PCBP3: variants seen among roughly 807,000 people sequenced by gnomAD.
PCBP3 encodes poly(rC)-binding protein 3.
PCBP3 carries 25 observed loss-of-function variants against 52.7 expected under a neutral mutation model. The ratio of observed to expected loss-of-function variants is 0.47; its 90% confidence interval spans 0.35 to 0.66. PCBP3 has a LOEUF of 0.66. PCBP3 is among the 30% of genes least tolerant of loss of function. The pLI, the probability that PCBP3 is intolerant of heterozygous loss-of-function variation, is 0.01. For missense variants in PCBP3, 391 were observed against 490.3 expected (o/e 0.80, Z 1.91); for synonymous variants, 162 against 183.0 (o/e 0.89, Z 0.93).
intron 2 of PCBP3, among the ~76,000 whole-genome samples, chr21:45,676,592 A>G (rs1385009807): frequency 6.6e-6 from 1 of 152,074 alleles, no homozygotes; most frequent in Non-Finnish European, 1.5e-5. Flanking sequence ...AACTTTGCCC[A>G]TATAAGATGT....
At chr21:45,898,027 G>C (rs1364920231) in intron 6 of PCBP3, among the ~76,000 whole-genome samples, 2 of 152,200 alleles carry the variant, frequency 1.3e-5, no homozygotes, top group African/African-American at 4.8e-5. Context: ...TTTCCGGGAA[G>C]ACACGGCCTC....
intron 5 of PCBP3, among the ~76,000 whole-genome samples, chr21:45,892,476 G>C (rs572223854): frequency 1.2e-3 from 102 of 86,500 alleles, no homozygotes; most frequent in Admixed American, 2.2e-3. Flanking sequence ...GGCGTGGGGG[G>C]GGGGGCGGTC....
chr21:45,920,748 T>C (rs1026029852), intron 13 of PCBP3, among the ~76,000 whole-genome samples: 7 of 152,198 alleles, frequency 4.6e-5, no homozygotes, highest in Non-Finnish European at 1.0e-4. Flanking sequence ...CCTCCTGTCA[T>C]GTGAGGACAA....
chr21:45,843,354 T>A (rs1328580512), intron 4 of PCBP3, among the ~76,000 whole-genome samples: 2 of 152,256 alleles, frequency 1.3e-5, no homozygotes, highest in Non-Finnish European at 2.9e-5. Flanking sequence ...ATTTAGACTT[T>A]AAGAACCAAA....
chr21:45,833,084 A>C (rs554905939), intron 4 of PCBP3, among the ~76,000 whole-genome samples: 14 of 152,286 alleles, frequency 9.2e-5, no homozygotes, highest in African/African-American at 3.4e-4. Flanking sequence ...ATCAGCAGCC[A>C]GCGAGGCTCT....
chr21:45,735,987 TTGTA>T lies in PCBP3; in HGVS notation c.-162+559_-162+562del, dbSNP rs1041920971. Reference sequence around the variant, plus strand: ...ATGCACTGTGGTCCCAATTCTAGTTTTGTAAAACTACCTTGAGATGACTCCTTTT... The same window carrying T: ...ATGCACTGTGGTCCCAATTCTAGTTTAAACTACCTTGAGATGACTCCTTTT... On this transcript the variant is annotated intron_variant, in intron 3 of 17. Coordinates refer to ENST00000681687, the MANE Select transcript of PCBP3 (RefSeq NM_001384156.1). This position sits in a 1 kb window ranked among gnomAD's most constrained non-coding sequence, Gnocchi z 4.0. 2.0e-5 allele frequency among the ~76,000 whole-genome samples: 3 copies of T among 152,244 alleles called. No individual in the cohort carries two copies. The highest frequency in any genetic ancestry group is 7.2e-5 in the African/African-American group (3 of 41,470).
At chr21:45,747,229 AT>A (rs2086976785) in intron 3 of PCBP3, among the ~76,000 whole-genome samples, 1 of 152,188 alleles carries the variant, frequency 6.6e-6, no homozygotes, top group South Asian at 2.1e-4. Context: ...GTCTGGTGAG[AT>A]TTATTCACTA....
chr21:45,895,418 C>T (rs1391693475), intron 5 of PCBP3, among the ~76,000 whole-genome samples: 1 of 152,142 alleles, frequency 6.6e-6, no homozygotes, highest in African/African-American at 2.4e-5. Context: ...GGGAAGGACT[C>T]GGGATGAGGC....
chr21:45,824,998 C>T (rs939468015), intron 4 of PCBP3, among the ~76,000 whole-genome samples: 1 of 152,236 alleles, frequency 6.6e-6, no homozygotes, highest in Non-Finnish European at 1.5e-5. Flanking sequence ...AAAACATTGA[C>T]AAGCCTGCAA....
intron 1 of PCBP3, among the ~76,000 whole-genome samples, chr21:45,648,286 A>T (rs1201558275): frequency 6.6e-6 from 1 of 152,112 alleles, no homozygotes; most frequent in Non-Finnish European, 1.5e-5. Flanking sequence ...AGCTGACAAA[A>T]TTAAGGAGGG....
intron 4 of PCBP3, among the ~76,000 whole-genome samples, chr21:45,755,680 C>T (rs552526271): frequency 3.3e-5 from 5 of 152,268 alleles, no homozygotes; most frequent in South Asian, 2.1e-4. Flanking sequence ...ACATGTGATA[C>T]GGAACCTTCC....
Position 45,886,205 on chromosome 21 carries a change from T to TGGA in PCBP3, c.11-10000_11-9998dup, listed in dbSNP as rs764106207. ...CAAGGGCAGAGGACGTGGTGAGGTG[T>TGGA]GGAGGCCTCATTGCTGCGGGTGCCA... On this transcript the variant is annotated intron_variant, in intron 5 of 17. Coordinates refer to ENST00000681687, the MANE Select transcript of PCBP3 (RefSeq NM_001384156.1). 5.0e-4 allele frequency among the ~76,000 whole-genome samples: 59 copies of TGGA among 117,700 alleles called. 2 individuals carry two copies. The highest frequency in any genetic ancestry group is 1.7e-3 in the African/African-American group (52 of 30,238). The allele number at this position is 117,700 out of a possible 152,430, so 77.2% of individuals were successfully genotyped here.
chr21:45,706,060 C>T (rs547895095), intron 2 of PCBP3, among the ~76,000 whole-genome samples: 1 of 152,354 alleles, frequency 6.6e-6, no homozygotes, highest in African/African-American at 2.4e-5. Flanking sequence ...GTCTTTTCCA[C>T]CTTTACATTA....
chr21:45,749,877 G>C (rs1226893482), intron 3 of PCBP3: 1 of 152,238 alleles, frequency 6.6e-6, no homozygotes, highest in Non-Finnish European at 1.5e-5. Flanking sequence ...CTCCAGCACA[G>C]GATGTGGTCT....
chr21:45,672,661 A>G (rs2081244631), intron 2 of PCBP3, among the ~76,000 whole-genome samples: 2 of 152,272 alleles, frequency 1.3e-5, no homozygotes, highest in East Asian at 1.9e-4. Flanking sequence ...GAGGCTTAAC[A>G]TAATACAATA....
At chr21:45,688,939 C>A (rs905452624) in intron 2 of PCBP3, among the ~76,000 whole-genome samples, 12 of 151,598 alleles carry the variant, frequency 7.9e-5, no homozygotes, top group Non-Finnish European at 1.6e-4. Context: ...CTTTAAAAAT[C>A]CAAGTCCTTA....
intron 12 of PCBP3, chr21:45,915,072 G>A (rs1473149934): frequency 1.3e-5 from 2 of 152,192 alleles, no homozygotes; most frequent in Non-Finnish European, 2.9e-5. Context: ...CTCAGGGCAG[G>A]GTATGCCTTT....
intron 1 of PCBP3, among the ~76,000 whole-genome samples, chr21:45,658,461 G>T (rs1174033668): frequency 6.6e-6 from 1 of 152,078 alleles, no homozygotes; most frequent in East Asian, 1.9e-4. Flanking sequence ...GTGCCACCAT[G>T]CATGGCTAAT....
intron 13 of PCBP3, 142 bp from the exon 14 acceptor site, chr21:45,929,775 T>C: frequency 1.5e-6 from 1 of 672,412 alleles, no homozygotes; most frequent in Non-Finnish European, 2.7e-6. Flanking sequence ...GCCAAGTCCT[T>C]GCGTTCTCTT....
Sources: allele counts gnomAD v4.1 joint callset (sites outside exome capture counted in the v4.1 genomes callset), GRCh38; gene constraint gnomAD v4.1.1; non-coding constraint Gnocchi (gnomAD v3.1); transcripts MANE v1.5; gene names NCBI Gene and HGNC (gene_info 2026-07-23, HGNC 2026-07-21).